MAGI2: variants seen among roughly 807,000 people sequenced by gnomAD.
MAGI2 encodes membrane-associated guanylate kinase, WW and PDZ domain-containing protein 2.
MAGI2 carries 35 observed loss-of-function variants against 133.3 expected under a neutral mutation model. The ratio of observed to expected loss-of-function variants is 0.26; its 90% CI spans 0.20 to 0.35. The LOEUF (loss-of-function observed/expected upper bound fraction) is 0.35, where lower values mean the gene tolerates loss of function less well. MAGI2 is among the 10% of genes least tolerant of loss of function. MAGI2 has a pLI of 1.00. For synonymous variants in MAGI2, 729 were observed against 710.6 expected (o/e 1.03, Z -0.41); for missense variants, 1,636 against 1,863.4 (o/e 0.88, Z 2.25).
At chr7:78,660,714 G>A (rs1379740924) in intron 2 of MAGI2, among the ~76,000 whole-genome samples, 1 of 152,064 alleles carries the variant, frequency 6.6e-6, no homozygotes, top group Non-Finnish European at 1.5e-5. Context: ...TTTTTACTTA[G>A]AACATTTCTC....
chr7:78,695,380 A>C (rs1288155277), intron 2 of MAGI2, among the ~76,000 whole-genome samples: 1 of 152,152 alleles, frequency 6.6e-6, no homozygotes, highest in Non-Finnish European at 1.5e-5. Flanking sequence ...TCCAACATGC[A>C]CTTATTTTAA....
At chr7:78,820,851 G>T (rs1215326921) in intron 2 of MAGI2, among the ~76,000 whole-genome samples, 2 of 151,744 alleles carry the variant, frequency 1.3e-5, no homozygotes, top group Non-Finnish European at 3.0e-5. Context: ...TTATACTTAG[G>T]CTACAGAAAT....
chr7:78,409,735 T>C (rs959398332), intron 6 of MAGI2, among the ~76,000 whole-genome samples: 5 of 152,190 alleles, frequency 3.3e-5, no homozygotes, highest in South Asian at 4.1e-4. Flanking sequence ...TGGATATAGA[T>C]GAGACACGCA....
intron 1 of MAGI2, among the ~76,000 whole-genome samples, chr7:79,330,051 A>C (rs1289978691): frequency 6.6e-6 from 1 of 152,136 alleles, no homozygotes; most frequent in African/African-American, 2.4e-5. Flanking sequence ...AGATACTCCA[A>C]GTATAGTTGC....
intron 16 of MAGI2, among the ~76,000 whole-genome samples, chr7:78,151,626 C>T (rs1823883181): frequency 6.6e-6 from 1 of 152,196 alleles, no homozygotes; most frequent in African/African-American, 2.4e-5. Context: ...AGGCCCCAGG[C>T]TGACTGCTGA....
chr7:78,682,714 A>G (rs1250149966), intron 2 of MAGI2, among the ~76,000 whole-genome samples: 1 of 152,106 alleles, frequency 6.6e-6, no homozygotes, highest in Non-Finnish European at 1.5e-5. Context: ...GTAGTGGAAG[A>G]CAGTGTGGTG....
intron 2 of MAGI2, among the ~76,000 whole-genome samples, chr7:78,993,749 C>T (rs888929463): frequency 3.3e-5 from 5 of 151,944 alleles, no homozygotes; most frequent in South Asian, 2.1e-4. Flanking sequence ...AAACACCTTG[C>T]ATGGTTTTAT....
intron 1 of MAGI2, among the ~76,000 whole-genome samples, chr7:79,313,829 G>C (rs1252549486): frequency 6.9e-6 from 1 of 144,078 alleles, no homozygotes; most frequent in Non-Finnish European, 1.5e-5. Context: ...TTAAGATGGA[G>C]TCTCACTCTG....
chr7:78,056,588 C>T, intron 21 of MAGI2, among the ~76,000 whole-genome samples: 1 of 152,192 alleles, frequency 6.6e-6, no homozygotes, highest in East Asian at 1.9e-4. Flanking sequence ...AACACTGCAT[C>T]TTCTCACTAT....
At chr7:78,062,930 C>G (rs1020024591) in intron 21 of MAGI2, among the ~76,000 whole-genome samples, 3 of 152,192 alleles carry the variant, frequency 2.0e-5, no homozygotes, top group African/African-American at 7.2e-5. Flanking sequence ...CTCTCTGATC[C>G]TGTCCTTCAC....
chr7:78,988,218 A>G (rs925979060), intron 2 of MAGI2, among the ~76,000 whole-genome samples: 1 of 152,092 alleles, frequency 6.6e-6, no homozygotes, highest in African/African-American at 2.4e-5. Flanking sequence ...AACTAGTCAC[A>G]TGGCCCCAGC....
chr7:78,066,094 C>T (rs1166626957), intron 21 of MAGI2, among the ~76,000 whole-genome samples: 1 of 152,076 alleles, frequency 6.6e-6, no homozygotes, highest in African/African-American at 2.4e-5. Context: ...CGTAGTGTCC[C>T]CATGTTTATA....
chr7:78,255,359 G>A (rs1304065957), intron 10 of MAGI2: 1 of 160,962 alleles, frequency 6.2e-6, no homozygotes, highest in Non-Finnish European at 1.3e-5. Flanking sequence ...GGTAATTGTT[G>A]CTAGTGCAGT....
chr7:78,508,657 A>G (rs562225459), intron 4 of MAGI2, among the ~76,000 whole-genome samples: 2 of 152,272 alleles, frequency 1.3e-5, no homozygotes, highest in South Asian at 4.1e-4. Context: ...AAAAATGTGC[A>G]TGTAAGCATG....
At chr7:79,125,544 T>A in intron 1 of MAGI2, 1 of 512,932 alleles carries the variant, frequency 1.9e-6, no homozygotes. Flanking sequence ...GTGGCTATGG[T>A]GGGAGTGGCA....
intron 1 of MAGI2, among the ~76,000 whole-genome samples, chr7:79,203,903 T>C (rs996637188): frequency 1.3e-5 from 2 of 152,040 alleles, no homozygotes; most frequent in Non-Finnish European, 2.9e-5. Flanking sequence ...GAAACATTAA[T>C]TTGAACAACA....
At chr7:79,443,973 T>C (rs1848667402) in intron 1 of MAGI2, among the ~76,000 whole-genome samples, 2 of 152,198 alleles carry the variant, frequency 1.3e-5, no homozygotes, top group Non-Finnish European at 2.9e-5. Context: ...AGTTATGAGG[T>C]TGATAAAATT....
In MAGI2 at chr7:78,631,344, C is replaced by T. The variant is rs181419459; in HGVS notation, c.419-4105G>A. Reference sequence around the variant, plus strand: ...CCATATCTCCACAACATCATCCTTCCGATCTGTACTGTCTCTGATCCCAGC... The same window carrying T: ...CCATATCTCCACAACATCATCCTTCTGATCTGTACTGTCTCTGATCCCAGC... On this transcript the variant is annotated intron_variant, in intron 2 of 21. Coordinates refer to ENST00000354212, the MANE Select transcript of MAGI2 (RefSeq NM_012301.4). 1.1e-4 allele frequency among the ~76,000 whole-genome samples: 17 copies of T among 152,204 alleles called. No homozygotes were observed. The East Asian group carries it at 1.9e-3, about 17-fold the overall frequency.
At chr7:78,940,205 C>G (rs1022767792) in intron 2 of MAGI2, among the ~76,000 whole-genome samples, 1 of 152,058 alleles carries the variant, frequency 6.6e-6, no homozygotes, top group Non-Finnish European at 1.5e-5. Flanking sequence ...TTGCTGATTT[C>G]AAGAGTTCAG....
Sources: allele counts gnomAD v4.1 joint callset (sites outside exome capture counted in the v4.1 genomes callset), GRCh38; gene constraint gnomAD v4.1.1; transcripts MANE v1.5; gene names NCBI Gene and HGNC (gene_info 2026-07-23, HGNC 2026-07-21).